The following KLF17 variants were observed in gnomAD, a reference collection of about 807,000 sequenced individuals.
KLF17 encodes Krueppel-like factor 17.
Under a neutral mutation model 34.2 loss-of-function variants are expected in KLF17, and 31 were observed. The ratio of observed to expected loss-of-function variants is 0.91; its 90% CI spans 0.68 to 1.22. KLF17 has a LOEUF of 1.22. Among genes scored for constraint, KLF17 ranks in the 50% most tolerant of loss-of-function variants. KLF17 has a pLI of 0.00. For missense variants in KLF17, 478 were observed against 505.2 expected (o/e 0.95, Z 0.52); for synonymous variants, 179 against 186.7 (o/e 0.96, Z 0.34).
At chr1:44,047,026 CAAAA>C in the KLF17 span, among the ~76,000 whole-genome samples, 666 of 83,522 alleles carry the variant, frequency 8.0e-3, 3 homozygotes, top group African/African-American at 0.029. Flanking sequence ...GACTCAGTCT[CAAAA>C]AAAAAAAAAA....
the KLF17 span, among the ~76,000 whole-genome samples, chr1:44,046,809 G>A: frequency 6.6e-6 from 1 of 152,118 alleles, no homozygotes; most frequent in Non-Finnish European, 1.5e-5. Context: ...CATCACTTGA[G>A]GTCAGGAGTT....
At chr1:44,086,358 C>T in the KLF17 span, among the ~76,000 whole-genome samples, 64 of 152,124 alleles carry the variant, frequency 4.2e-4, no homozygotes, top group Non-Finnish European at 6.3e-4. Flanking sequence ...CCCGGCTACT[C>T]GGGAGGCTGA....
At chr1:44,050,569 C>T in the KLF17 span, among the ~76,000 whole-genome samples, 1 of 152,180 alleles carries the variant, frequency 6.6e-6, no homozygotes, top group African/African-American at 2.4e-5. Context: ...ATGGGGTAGC[C>T]CTGCTGTGCA....
At chr1:44,113,573 G>A in the KLF17 span, among the ~76,000 whole-genome samples, 4 of 152,166 alleles carry the variant, frequency 2.6e-5, no homozygotes, top group Non-Finnish European at 5.9e-5. Flanking sequence ...GGTGGGGGAA[G>A]CATTAGTGAC....
intron 2 of KLF17, 119 bp from the exon 3 acceptor site, chr1:44,130,393 C>CT (rs1263947644): frequency 4.2e-6 from 6 of 1,440,028 alleles, no homozygotes; most frequent in Non-Finnish European, 3.8e-6. Context: ...TGTGTTGCCC[C>CT]TCCCTGGTTC....
At chr1:44,093,487 T>C in the KLF17 span, among the ~76,000 whole-genome samples, 1 of 152,142 alleles carries the variant, frequency 6.6e-6, no homozygotes, top group African/African-American at 2.4e-5. Context: ...CTCTGCCTCC[T>C]GGGTTCAAGC....
At chr1:44,103,968 A>C in the KLF17 span, 1 of 863,126 alleles carries the variant, frequency 1.2e-6, no homozygotes, top group Non-Finnish European at 2.0e-6. Flanking sequence ...GCGGTTGGCG[A>C]TCTCGTACTG....
At chr1:44,065,038 C>T in the KLF17 span, among the ~76,000 whole-genome samples, 3 of 152,164 alleles carry the variant, frequency 2.0e-5, no homozygotes, top group Admixed American at 6.5e-5. Context: ...CCTGTAGTCC[C>T]AGCACTTTGG....
the KLF17 span, among the ~76,000 whole-genome samples, chr1:44,099,239 A>G: frequency 6.6e-6 from 1 of 151,658 alleles, no homozygotes; most frequent in South Asian, 2.1e-4. Context: ...CCCCGTCTCC[A>G]CAAACAATAA....
the KLF17 span, among the ~76,000 whole-genome samples, chr1:44,083,835 C>G: frequency 2.6e-5 from 4 of 150,976 alleles, no homozygotes; most frequent in African/African-American, 4.9e-5. Flanking sequence ...GCTGCCATGC[C>G]CCTGAGGCAG....
the KLF17 span, among the ~76,000 whole-genome samples, chr1:44,049,509 G>T: frequency 6.6e-6 from 1 of 152,150 alleles, no homozygotes; most frequent in Non-Finnish European, 1.5e-5. Flanking sequence ...TTGAGAGAAG[G>T]TCTCACTCTG....
chr1:44,051,230 G>T, the KLF17 span: 2 of 152,306 alleles, frequency 1.3e-5, no homozygotes, highest in Non-Finnish European at 2.9e-5. Context: ...AGTGATGGAG[G>T]CTGCAAGAGT....
the KLF17 span, chr1:44,104,565 T>G: frequency 1.3e-5 from 9 of 670,942 alleles, no homozygotes; most frequent in South Asian, 3.2e-5. Flanking sequence ...AGACTCTGGT[T>G]GACTGTGACA....
chr1:44,083,793 CA>C, the KLF17 span, among the ~76,000 whole-genome samples: 1,758 of 104,214 alleles, frequency 0.017, 35 homozygotes, highest in African/African-American at 0.057. Context: ...GACTCTGTCT[CA>C]AAAAAAAAAA....
rs200864376 is a variant in KLF17 at position 44,130,625 on chromosome 1, C to T, written c.1039C>T (p.Gln347Ter). 273 of 1,613,992 alleles carry T rather than the reference C, an allele frequency of 1.7e-4. 1 individual carries two copies. Among genetic ancestry groups the T allele is most frequent in the Non-Finnish European group, 2.2e-4 (262 of 1,180,036 alleles). ...CAGATATCGACCATATAAATGTGATCAGTGCAGCCGGGAGTTCATGAGGTC... is the reference window on the plus strand; with the variant it reads ...CAGATATCGACCATATAAATGTGATTAGTGCAGCCGGGAGTTCATGAGGTC... Reference protein sequence around the residue: ...HTRYRPYKCDQCSREFMRSDH... With the variant: ...HTRYRPYKCD Residue 347 changes from glutamine to a stop codon, truncating the protein, a stop_gained, in exon 3 of 4, where the codon CAG (glutamine) becomes TAG (stop). Transcript: ENST00000372299. LOFTEE classifies it high-confidence loss of function.
chr1:44,109,321 A>G, the KLF17 span, among the ~76,000 whole-genome samples: 1 of 152,258 alleles, frequency 6.6e-6, no homozygotes, highest in Non-Finnish European at 1.5e-5. Flanking sequence ...CCAAACTCCC[A>G]GAAAACAAAG....
intron 1 of KLF17, among the ~76,000 whole-genome samples, chr1:44,125,381 A>G (rs562859425): frequency 6.6e-6 from 1 of 152,284 alleles, no homozygotes; most frequent in Admixed American, 6.5e-5. Context: ...AAGGTTTTTG[A>G]TGAAAGAGCT....
the KLF17 span, among the ~76,000 whole-genome samples, chr1:44,079,785 G>A: frequency 4.6e-5 from 7 of 152,130 alleles, no homozygotes; most frequent in Non-Finnish European, 1.0e-4. Flanking sequence ...TGAGTGCCAT[G>A]TTTTGGAAAG....
chr1:44,096,198 T>C, the KLF17 span, among the ~76,000 whole-genome samples: 1 of 152,092 alleles, frequency 6.6e-6, no homozygotes, highest in East Asian at 1.9e-4. Context: ...CACCTTGGCC[T>C]CACAAAGTGC....
Sources: allele counts gnomAD v4.1 joint callset (sites outside exome capture counted in the v4.1 genomes callset), GRCh38; gene constraint gnomAD v4.1.1; transcripts MANE v1.5; gene names NCBI Gene and HGNC (gene_info 2026-07-23, HGNC 2026-07-21).